Variants in EPHA6 observed in about 807,000 individuals in gnomAD.
The protein encoded by EPHA6 is EPH receptor A6, also known as ephrin type-A receptor 6.
EPHA6 carries 50 observed loss-of-function variants against 112.0 expected under a neutral mutation model. That is an observed-to-expected ratio of 0.45 (90% CI 0.36 to 0.56). The LOEUF (loss-of-function observed/expected upper bound fraction) is 0.56, where lower values mean the gene tolerates loss of function less well. EPHA6 is among the 20% of genes least tolerant of loss of function. The pLI, the probability that EPHA6 is intolerant of heterozygous loss-of-function variation, is 0.00. For synonymous variants in EPHA6, 529 were observed against 490.7 expected (o/e 1.08, Z -1.03); for missense variants, 1,280 against 1,417.4 (o/e 0.90, Z 1.56).
intron 3 of EPHA6, among the ~76,000 whole-genome samples, chr3:97,081,910 T>G (rs2046732576): frequency 6.6e-6 from 1 of 151,644 alleles, no homozygotes; most frequent in Non-Finnish European, 1.5e-5. Flanking sequence ...AAAATTATTT[T>G]CAACTTGAAT....
chr3:96,885,119 G>A (rs533473158), intron 2 of EPHA6, among the ~76,000 whole-genome samples: 1 of 152,216 alleles, frequency 6.6e-6, no homozygotes, highest in Admixed American at 6.5e-5. Flanking sequence ...TGTTGGATTT[G>A]GTTAGCTAGT....
At chr3:97,618,349 A>G (rs1462752326) in intron 13 of EPHA6, among the ~76,000 whole-genome samples, 1 of 152,072 alleles carries the variant, frequency 6.6e-6, no homozygotes, top group East Asian at 1.9e-4. Context: ...TCATCAACCT[A>G]ACATCAAAAC....
intron 11 of EPHA6, among the ~76,000 whole-genome samples, chr3:97,590,674 C>T (rs1156873703): frequency 2.0e-5 from 3 of 152,070 alleles, no homozygotes; most frequent in African/African-American, 7.2e-5. Flanking sequence ...TTTCCTATTA[C>T]TTGGCTTCAA....
intron 7 of EPHA6, among the ~76,000 whole-genome samples, chr3:97,455,859 A>G (rs567190924): frequency 6.6e-6 from 1 of 152,190 alleles, no homozygotes; most frequent in South Asian, 2.1e-4. Flanking sequence ...TGACAAAAAA[A>G]AAAAAGATAT....
In EPHA6 at chr3:97,137,155, G is replaced by A. The variant is rs117297479; in HGVS notation, c.1115-89109G>A. Among the ~76,000 whole-genome samples the A allele has an allele frequency of 2.2e-3, 328 of 152,152 alleles. 9 individuals are homozygous for A. The East Asian group carries it at 0.038, about 18-fold the overall frequency. On this transcript the variant is annotated intron_variant, in intron 3 of 17. Transcript: ENST00000389672. ...ACAAATCACATTTATAAATTCAGTG[G>A]GGGGACAGGTAGCAAAGACTTGTCA... is the stretch of plus-strand genomic sequence containing the variant.
At chr3:97,191,535 A>G (rs1279350129) in intron 3 of EPHA6, among the ~76,000 whole-genome samples, 2 of 151,882 alleles carry the variant, frequency 1.3e-5, no homozygotes, top group African/African-American at 4.8e-5. Context: ...AATGGTCTTA[A>G]TTTCTAGCTT....
At chr3:97,448,769 T>C (rs1422899560) in intron 7 of EPHA6, 39 bp downstream of exon 7, 1 of 1,600,346 alleles carries the variant, frequency 6.2e-7, no homozygotes, top group East Asian at 2.2e-5. Context: ...GATGTGAATT[T>C]AGTATCATTC....
At position 96,987,352 on chromosome 3, in the gene EPHA6, A is replaced by G; in HGVS notation, c.473A>G (p.Asp158Gly). ...CAGTGGGATGCCATCACTGAAATGG[A>G]TGAACATAATAGGCCCATTCACACA... ...LNGWDAITEMDEHNRPIHTYQ... is the reference protein window; with the variant it reads ...LNGWDAITEMGEHNRPIHTYQ... Residue 158 changes from aspartate to glycine, a missense_variant, in exon 3 of 18, where the codon GAT (aspartate) becomes GGT (glycine). Coordinates refer to ENST00000389672, the MANE Select transcript of EPHA6 (RefSeq NM_001080448.3). 1 of 1,602,352 alleles carries G rather than the reference A, an allele frequency of 6.2e-7. No individual in the cohort carries two copies. The highest frequency in any genetic ancestry group is 8.5e-7 in the Non-Finnish European group (1 of 1,170,892).
chr3:97,351,340 T>G (rs1034340097), intron 5 of EPHA6, among the ~76,000 whole-genome samples: 1 of 152,200 alleles, frequency 6.6e-6, no homozygotes, highest in Non-Finnish European at 1.5e-5. Flanking sequence ...TGACTAAACA[T>G]GTCATCAGAT....
At chr3:97,623,173 T>C (rs1418924262) in intron 13 of EPHA6, among the ~76,000 whole-genome samples, 1 of 151,806 alleles carries the variant, frequency 6.6e-6, no homozygotes, top group Admixed American at 6.6e-5. Flanking sequence ...TAAGAAATCA[T>C]TGCCAAATCT....
intron 3 of EPHA6, among the ~76,000 whole-genome samples, chr3:97,115,580 T>C (rs2047861697): frequency 6.6e-6 from 1 of 151,746 alleles, no homozygotes; most frequent in Admixed American, 6.6e-5. Flanking sequence ...GCATCATAAA[T>C]ATGGAGGCTT....
intron 10 of EPHA6, among the ~76,000 whole-genome samples, chr3:97,484,928 C>A (rs188417740): frequency 9.2e-5 from 14 of 152,350 alleles, no homozygotes; most frequent in African/African-American, 2.6e-4. Flanking sequence ...GTATTCACAT[C>A]TCAATGGTCC....
intron 11 of EPHA6, among the ~76,000 whole-genome samples, chr3:97,576,663 T>A (rs1353979615): frequency 3.3e-5 from 5 of 152,204 alleles, no homozygotes; most frequent in Non-Finnish European, 7.3e-5. Flanking sequence ...TGTTTTACTG[T>A]TAAAAGATGA....
intron 6 of EPHA6, among the ~76,000 whole-genome samples, chr3:97,419,147 A>T (rs2088385789): frequency 6.6e-6 from 1 of 152,128 alleles, no homozygotes; most frequent in African/African-American, 2.4e-5. Context: ...TCTACTAAAA[A>T]TACAAAATTG....
intron 2 of EPHA6, among the ~76,000 whole-genome samples, chr3:96,923,984 CTTGGTTACA>C (rs1438130212): frequency 1.3e-5 from 2 of 151,916 alleles, no homozygotes; most frequent in Non-Finnish European, 2.9e-5. Flanking sequence ...GGGTTCTTTA[CTTGGTTACA>C]TTGGTCTATG....
intron 2 of EPHA6, among the ~76,000 whole-genome samples, chr3:96,917,719 A>G (rs1447264719): frequency 6.6e-6 from 1 of 152,020 alleles, no homozygotes; most frequent in Non-Finnish European, 1.5e-5. Flanking sequence ...GAATCCACCC[A>G]ACATTCATTA....
intron 8 of EPHA6, among the ~76,000 whole-genome samples, chr3:97,476,152 A>G (rs2091364370): frequency 6.6e-6 from 1 of 152,176 alleles, no homozygotes; most frequent in South Asian, 2.1e-4. Context: ...GTATAAAATT[A>G]TATCAAAGAA....
intron 4 of EPHA6, 55 bp from the exon 5 acceptor site, chr3:97,243,897 G>T: frequency 1.5e-6 from 2 of 1,306,368 alleles, no homozygotes; most frequent in Non-Finnish European, 2.1e-6. Context: ...TCATTTTAGC[G>T]CCATAATTCA....
chr3:97,539,176 C>T (rs1157982421), intron 11 of EPHA6, among the ~76,000 whole-genome samples: 2 of 146,408 alleles, frequency 1.4e-5, no homozygotes, highest in Non-Finnish European at 3.0e-5. Flanking sequence ...GAGACACAGC[C>T]TCCCTCTGTT....
Sources: allele counts gnomAD v4.1 joint callset (sites outside exome capture counted in the v4.1 genomes callset), GRCh38; gene constraint gnomAD v4.1.1; transcripts MANE v1.5; gene names NCBI Gene and HGNC (gene_info 2026-07-23, HGNC 2026-07-21).